The following DSG3 variants were observed in gnomAD, a reference collection of about 807,000 sequenced individuals.
DSG3 encodes the protein desmoglein-3.
A neutral mutation model predicts 85.9 loss-of-function variants in DSG3; 63 were observed. That is an observed-to-expected ratio of 0.73 (90% CI 0.60 to 0.90). The LOEUF (loss-of-function observed/expected upper bound fraction) is 0.90, where lower values mean the gene tolerates loss of function less well. Ranked by LOEUF, DSG3 falls within the 40% of genes least tolerant of loss-of-function variation. The pLI, the probability that DSG3 is intolerant of heterozygous loss-of-function variation, is 0.00. For missense variants in DSG3, 1,220 were observed against 1,219.9 expected, an observed-to-expected ratio of 1.00 and a Z score of 0.00; for synonymous variants, 447 against 441.9, an observed-to-expected ratio of 1.01 and a Z score of -0.14.
rs8085532 is a variant in DSG3, at chr18:31,447,808, C to T, written c.-70C>T. ...GCTGCAGAGGGCTTTTCTTAGACAT[C>T]AACTGCAGACGGCTGGCAGGATAGA... On this transcript the variant is annotated 5_prime_UTR_variant, in exon 1 of 16. Coordinates refer to ENST00000257189, the MANE Select transcript of DSG3 (RefSeq NM_001944.3). The T allele has an allele frequency of 0.22, 292,414 of 1,357,810 alleles. 35,187 individuals carry two copies. Among genetic ancestry groups the T allele is most frequent in the African/African-American group, 0.46 (30,480 of 66,622 alleles). 84.1% of individuals were successfully genotyped at this position (1,357,810 alleles called of 1,614,324 possible).
chr18:31,457,467 T>C (rs1311381920), intron 3 of DSG3, among the ~76,000 whole-genome samples: 1 of 152,206 alleles, frequency 6.6e-6, no homozygotes, highest in Non-Finnish European at 1.5e-5. Context: ...ATTGGTCATG[T>C]ATTGATAACT....
Position 31,475,904 on chromosome 18 carries a change from G to A in DSG3, c.2644G>A (p.Glu882Lys), listed in dbSNP as rs757558138. The change falls in exon 16 of 16, where the codon GAA becomes AAA. Residue 882 changes from glutamate to lysine, a missense_variant. By Grantham distance (56) the Glu-to-Lys change is moderately conservative. Coordinates refer to ENST00000257189, the MANE Select transcript of DSG3 (RefSeq NM_001944.3). ...CTCTAAAGACAGCGGTTATGGGATTGAATCCTGTGGCCATCCCATAGAAGT... is the reference window on the plus strand; with the variant it reads ...CTCTAAAGACAGCGGTTATGGGATTAAATCCTGTGGCCATCCCATAGAAGT... ...PPSKDSGYGI[E>K]SCGHPIEVQQ... 6.2e-7 allele frequency: 1 copy of A among 1,614,202 alleles called. No homozygotes were observed.
In DSG3 at chr18:31,461,357, G is replaced by T. The variant is rs1231148761; in HGVS notation, c.944G>T (p.Trp315Leu). The change falls in exon 8 of 16, where the codon TGG (tryptophan) becomes TTG (leucine). Residue 315 changes from tryptophan to leucine, a missense_variant. Trp to Leu is a moderately conservative substitution (Grantham distance 61). Transcript: ENST00000257189. ...YFFTSGNEGN[W>L]FEIQTDPRTN... ...TTTACCTCTGGGAATGAAGGAAATTGGTTTGAAATACAAACTGATCCTAGA... is the reference window on the plus strand; with the variant it reads ...TTTACCTCTGGGAATGAAGGAAATTTGTTTGAAATACAAACTGATCCTAGA... 6.2e-7 allele frequency: 1 copy of T among 1,613,592 alleles called. No homozygotes were observed. Among genetic ancestry groups the T allele is most frequent in the Non-Finnish European group, 8.5e-7 (1 of 1,179,836 alleles).
Position 31,468,024 on chromosome 18 carries a change from G to T in DSG3, c.1637-1065G>T, listed in dbSNP as rs1319040209. Among the ~76,000 whole-genome samples, 8 of 152,334 alleles carry T rather than the reference G, an allele frequency of 5.3e-5. No homozygotes were observed. In the South Asian group the frequency reaches 1.0e-3, roughly 20 times the overall value. On this transcript the variant is annotated intron_variant, in intron 11 of 15. Transcript: ENST00000257189. ...GACATACCTGCCCAGGTGTGGCTGG[G>T]CAAGGCAACAGTGATTGGACTAGGT...
rs367570006 is a variant in DSG3, at chr18:31,456,988, A to G, written c.85-5A>G. On this transcript the variant is annotated splice_polypyrimidine_tract_variant and splice_region_variant and intron_variant, in intron 2 of 15. Transcript: ENST00000257189. ...CATAACAAATGGAATCCCTTTTTAC[A>G]TAAGACTAAAGGTCAATATGATGAA... is the stretch of plus-strand genomic sequence containing the variant. 3.1e-6 allele frequency: 5 copies of G among 1,593,406 alleles called. No homozygotes were observed. The highest frequency in any genetic ancestry group is 4.5e-5 in the East Asian group (2 of 44,502).
chr18:31,476,209 AG>A lies in DSG3; in HGVS notation c.2952del (p.Ser985HisfsTer14). On this transcript the variant is annotated frameshift_variant, in exon 16 of 16. Transcript: ENST00000257189. LOFTEE classifies it high-confidence loss of function. ...GNLAGPTQLR[G>X]SHTMLCTEDP... is the part of the protein sequence containing the mutation. ...ACCTAGCTGGCCCAACGCAGCTACG[AG>A]GGTCACATACTATGCTCTGTACAGA... is the stretch of plus-strand genomic sequence containing the variant. The A allele has an allele frequency of 3.1e-6, 5 of 1,614,106 alleles. No homozygotes were observed. The highest frequency in any genetic ancestry group is 4.2e-6 in the Non-Finnish European group (5 of 1,179,998).
intron 8 of DSG3, among the ~76,000 whole-genome samples, chr18:31,463,675 G>A (rs1324581469): frequency 6.6e-6 from 1 of 152,146 alleles, no homozygotes; most frequent in African/African-American, 2.4e-5. Flanking sequence ...GAACGTATTA[G>A]GGGCCTTGAT....
chr18:31,456,606 T>C (rs930809140), intron 2 of DSG3, 131 bp downstream of exon 2: 1 of 466,700 alleles, frequency 2.1e-6, no homozygotes. Flanking sequence ...ATATATAAAA[T>C]TAAAATTCTA....
chr18:31,467,985 G>A (rs2072832355), intron 11 of DSG3, among the ~76,000 whole-genome samples: 2 of 152,230 alleles, frequency 1.3e-5, no homozygotes, highest in Admixed American at 6.5e-5. Context: ...AGAGAGGGCC[G>A]GGATGTGTCA....
chr18:31,459,779 ATATT>A, intron 5 of DSG3, 62 bp from the exon 6 acceptor site: 1 of 1,429,210 alleles, frequency 7.0e-7, no homozygotes, highest in Non-Finnish European at 9.5e-7. Flanking sequence ...CTTGTTTGGA[ATATT>A]TAAAGTAAAC....
At chr18:31,472,142 A>C (rs2072859125) in intron 12 of DSG3, 142 bp from the exon 13 acceptor site, 6 of 1,120,238 alleles carry the variant, frequency 5.4e-6, no homozygotes, top group Non-Finnish European at 7.6e-6. Flanking sequence ...TCATTTGTAG[A>C]AACTAATTTT....
rs1412814520 is a variant in DSG3, at chr18:31,465,330, A to G, written c.1284A>G (p.Gly428=). 1 of 1,474,222 alleles carries G rather than the reference A, an allele frequency of 6.8e-7. No homozygotes were observed. The highest frequency in any genetic ancestry group is 9.0e-7 in the Non-Finnish European group (1 of 1,108,956). 91.3% of individuals were successfully genotyped at this position (1,474,222 alleles called of 1,614,324 possible). A position where few individuals can be genotyped will look rare whatever the true frequency, so the allele number is the denominator to read the frequency against. ...KAASNVKYVM[G]RNDGGYLMID... is the part of the protein sequence containing the mutation. ...TATTATGAAACAGATATGTCATGGGACGTAACGATGGTGGATACCTAATGA... is the reference window on the plus strand; with the variant it reads ...TATTATGAAACAGATATGTCATGGGGCGTAACGATGGTGGATACCTAATGA... Residue 428 remains glycine (G), a synonymous_variant, in exon 10 of 16, where the codon GGA becomes GGG. Coordinates refer to ENST00000257189, the MANE Select transcript of DSG3 (RefSeq NM_001944.3).
In DSG3 at chr18:31,469,187, C is replaced by G. The variant is rs139950299; in HGVS notation, c.1735C>G (p.Pro579Ala). 6.2e-7 allele frequency: 1 copy of G among 1,614,012 alleles called. No homozygotes were observed. Among genetic ancestry groups the G allele is most frequent in the African/African-American group, 1.3e-5 (1 of 74,900 alleles). Residue 579 changes from proline to alanine, a missense_variant, in exon 12 of 16, where the codon CCA (proline) becomes GCA (alanine). By Grantham distance (27) the Pro-to-Ala change is conservative. Transcript: ENST00000257189. Reference protein sequence around the residue: ...TDSQNNRCEMPRSLTLEVCQC... With the variant: ...TDSQNNRCEMARSLTLEVCQC... ...CAGTCAGAACAATCGGTGTGAGATG[C>G]CACGCAGCTTGACACTGGAAGTCTG...
chr18:31,469,123 AC>A lies in DSG3; in HGVS notation c.1673del (p.Pro558LeufsTer25), dbSNP rs750040267. 1 of 1,614,090 alleles carries A rather than the reference AC, an allele frequency of 6.2e-7. No individual in the cohort carries two copies. Among genetic ancestry groups the A allele is most frequent in the Non-Finnish European group, 8.5e-7 (1 of 1,179,986 alleles). ...SALLRAQEQI[P>X]PGVYHISLVL... ...CCCTCCTCAGAGCCCAGGAACAGATACCTCCTGGAGTATACCACATCTCCCT... is the reference window on the plus strand; with the variant it reads ...CCCTCCTCAGAGCCCAGGAACAGATACTCCTGGAGTATACCACATCTCCCT... On this transcript the variant is annotated frameshift_variant, in exon 12 of 16. Coordinates refer to ENST00000257189, the MANE Select transcript of DSG3 (RefSeq NM_001944.3). LOFTEE classifies it high-confidence loss of function.
chr18:31,461,358 G>T lies in DSG3; in HGVS notation c.945G>T (p.Trp315Cys), dbSNP rs1343313681. The T allele has an allele frequency of 6.2e-7, 1 of 1,613,776 alleles. No individual in the cohort carries two copies. Among genetic ancestry groups the T allele is most frequent in the Admixed American group, 1.7e-5 (1 of 59,986 alleles). The part of the protein sequence containing the change: ...YFFTSGNEGN[W>C]FEIQTDPRTN... ...TTACCTCTGGGAATGAAGGAAATTG[G>T]TTTGAAATACAAACTGATCCTAGAA... Residue 315 changes from tryptophan to cysteine, a missense_variant, in exon 8 of 16, where the codon TGG (tryptophan) becomes TGT (cysteine). Transcript: ENST00000257189.
rs2072894084 is a variant in DSG3 at position 31,477,082 on chromosome 18, A to T, written c.*822A>T. On this transcript the variant is annotated 3_prime_UTR_variant, in exon 16 of 16. Coordinates refer to ENST00000257189, the MANE Select transcript of DSG3 (RefSeq NM_001944.3). ...CATCTTCTTGGTGCTGGGAAGCCAT[A>T]TATGTGTCTTTTACTCAAGCTAAGG... 6.6e-6 allele frequency: 1 copy of T among 152,184 alleles called. No individual in the cohort carries two copies. The allele number at this position is 152,184 out of a possible 1,614,324, so 9.4% of individuals were successfully genotyped here. A position where few individuals can be genotyped will look rare whatever the true frequency, so the allele number is the denominator to read the frequency against.
At chr18:31,459,608 A>G (rs916992426) in intron 5 of DSG3, among the ~76,000 whole-genome samples, 26 of 152,208 alleles carry the variant, frequency 1.7e-4, no homozygotes, top group African/African-American at 6.0e-4. Context: ...TATAGCCTCA[A>G]TCTCAGCAAA....
At position 31,457,123 on chromosome 18, in the gene DSG3, A is replaced by G; in HGVS notation, c.215A>G (p.Lys72Arg). Residue 72 changes from lysine to arginine, a missense_variant and splice_region_variant, in exon 3 of 16, where the codon AAG becomes AGG. Physicochemically the swap from Lys to Arg is conservative, Grantham distance 26 (BLOSUM62 2). Transcript: ENST00000257189. ...EDNSKRNPIA[K>R]ITSDYQATQK... ...AACTCAAAAAGAAACCCAATTGCCA[A>G]GGTAAGTTATATCAACAGGAGCGTA... is the stretch of plus-strand genomic sequence containing the variant. 1.2e-6 allele frequency: 2 copies of G among 1,611,600 alleles called. No homozygotes were observed. Among genetic ancestry groups the G allele is most frequent in the Non-Finnish European group, 1.7e-6 (2 of 1,179,322 alleles).
chr18:31,469,775 G>A (rs2072844539), intron 12 of DSG3, among the ~76,000 whole-genome samples: 1 of 151,234 alleles, frequency 6.6e-6, no homozygotes, highest in Non-Finnish European at 1.5e-5. Flanking sequence ...ATACAAATAG[G>A]GTATCATAGG....
Sources: allele counts gnomAD v4.1 joint callset (sites outside exome capture counted in the v4.1 genomes callset), GRCh38; gene constraint gnomAD v4.1.1; transcripts MANE v1.5; gene names NCBI Gene and HGNC (gene_info 2026-07-23, HGNC 2026-07-21).